The following PDZD2 variants were observed in gnomAD, a reference collection of about 807,000 sequenced individuals.
PDZD2 encodes PDZ domain-containing protein 2.
PDZD2 carries 90 observed loss-of-function variants against 220.7 expected under a neutral mutation model. The observed-to-expected ratio is 0.41, with a 90% CI of 0.34 to 0.49. The LOEUF (loss-of-function observed/expected upper bound fraction) is 0.49. PDZD2 is among the 20% of genes least tolerant of loss of function. The pLI, the probability that PDZD2 is intolerant of heterozygous loss-of-function variation, is 0.28. For synonymous variants in PDZD2, 1,375 were observed against 1,450.5 expected (o/e 0.95, Z 1.18); for missense variants, 3,174 against 3,608.5 (o/e 0.88, Z 3.08).
At chr5:32,100,323 C>A (rs968053686) in intron 23 of PDZD2, 3 of 173,374 alleles carry the variant, frequency 1.7e-5, no homozygotes, top group Non-Finnish European at 3.7e-5. Context: ...CCTCTGCCTC[C>A]CAATTAACTA....
chr5:32,077,294 C>G (rs1741387674), intron 18 of PDZD2, among the ~76,000 whole-genome samples, 168 bp from the exon 19 acceptor site: 1 of 152,144 alleles, frequency 6.6e-6, no homozygotes, highest in African/African-American at 2.4e-5. Context: ...ATGATATGAC[C>G]ATTTAATTCC....
At chr5:31,712,485 C>T (rs1446956629) in intron 1 of PDZD2, among the ~76,000 whole-genome samples, 4 of 147,614 alleles carry the variant, frequency 2.7e-5, no homozygotes, top group East Asian at 4.0e-4. Context: ...TCTCTCTCCC[C>T]CTCTCTCCCT....
intron 2 of PDZD2, among the ~76,000 whole-genome samples, chr5:31,802,056 A>G (rs555504607): frequency 2.6e-5 from 4 of 152,332 alleles, no homozygotes; most frequent in African/African-American, 9.6e-5. Context: ...TCATGACAGA[A>G]GGTGGAACAT....
chr5:31,856,934 AT>A (rs199859756), intron 2 of PDZD2, among the ~76,000 whole-genome samples: 19,241 of 136,308 alleles, frequency 0.14, 1,518 homozygotes, highest in Middle Eastern at 0.2. Flanking sequence ...ATATATATAT[AT>A]AACTTTAAAA....
chr5:31,884,969 A>G (rs527347779), intron 2 of PDZD2, among the ~76,000 whole-genome samples: 1 of 152,192 alleles, frequency 6.6e-6, no homozygotes, highest in East Asian at 1.9e-4. Context: ...ATAGGAAGCT[A>G]CCACATTGTT....
At chr5:31,925,186 G>T (rs2150384226) in intron 2 of PDZD2, among the ~76,000 whole-genome samples, 1 of 152,270 alleles carries the variant, frequency 6.6e-6, no homozygotes, top group East Asian at 1.9e-4. Flanking sequence ...AACAAAGTCA[G>T]AAGCATCACA....
chr5:32,066,353 C>T lies in PDZD2; in HGVS notation c.2452-3216C>T, dbSNP rs562202535. Among the ~76,000 whole-genome samples the T allele has an allele frequency of 5.9e-5, 9 of 152,214 alleles. No homozygotes were observed. The South Asian group carries it at 1.9e-3, about 32-fold the overall frequency. ...GAGCGAGACTCTATCTCAAGTCAAT[C>T]AATCAGTCACTCAATCCAATCAAAC... is the stretch of plus-strand genomic sequence containing the variant. On this transcript the variant is annotated intron_variant, in intron 14 of 24. Transcript: ENST00000438447.
chr5:31,752,937 A>G (rs953880279), intron 1 of PDZD2, among the ~76,000 whole-genome samples: 2 of 152,200 alleles, frequency 1.3e-5, no homozygotes, highest in Admixed American at 1.3e-4. Flanking sequence ...AGTGAAAGCC[A>G]TGGGCCTTAG....
chr5:31,992,847 A>G (rs1751326525), intron 3 of PDZD2, among the ~76,000 whole-genome samples: 1 of 139,968 alleles, frequency 7.1e-6, no homozygotes, highest in Admixed American at 7.6e-5. Context: ...CCTTCTCTCA[A>G]GTGTGCCTCT....
chr5:31,857,950 C>T (rs1201829844), intron 2 of PDZD2, among the ~76,000 whole-genome samples: 2 of 152,124 alleles, frequency 1.3e-5, no homozygotes, highest in East Asian at 1.9e-4. Flanking sequence ...CCTCACACCC[C>T]GAGTAATTCG....
Position 31,694,797 on chromosome 5 carries a change from A to AT in PDZD2, c.-361+55370dup, listed in dbSNP as rs575393610. Among the ~76,000 whole-genome samples the AT allele has an allele frequency of 8.9e-3, 664 of 75,020 alleles. 5 individuals carry two copies. Among genetic ancestry groups the AT allele is most frequent in the East Asian group, 0.076 (152 of 1,988 alleles). 49.2% of individuals were successfully genotyped at this position (75,020 alleles called of 152,430 possible). A position where few individuals can be genotyped will look rare whatever the true frequency, so the allele number is the denominator to read the frequency against. Reference sequence around the variant, plus strand: ...GGATTTTATTTTATTTTATTTATTTATTTTTTTTTTGTGAAAGCAAGTTTA... The same window carrying AT: ...GGATTTTATTTTATTTTATTTATTTATTTTTTTTTTTGTGAAAGCAAGTTTA... On this transcript the variant is annotated intron_variant, in intron 1 of 24. Coordinates refer to ENST00000438447, the MANE Select transcript of PDZD2 (RefSeq NM_178140.4).
rs755098204 is a variant in PDZD2 at position 32,087,894 on chromosome 5, C to T, written c.4446C>T (p.Ser1482=). 3 of 1,613,108 alleles carry T rather than the reference C, an allele frequency of 1.9e-6. No individual in the cohort carries two copies. The highest frequency in any genetic ancestry group is 2.7e-5 in the African/African-American group (2 of 75,044). ...AEPVPGGQTS[S]PRRAWAAGAP... is the part of the protein sequence containing the mutation. ...CAGTCCCGGGGGGCCAGACCTCCTC[C>T]CCGAGGAGGGCCTGGGCTGCTGGTG... The change falls in exon 20 of 25, where the codon TCC becomes TCT. Residue 1482 remains serine, a synonymous_variant. Transcript: ENST00000438447. The surrounding 1 kb of genome is among the most constrained non-coding windows in gnomAD (Gnocchi z 4.0).
chr5:31,991,252 G>GA (rs1341762256), intron 3 of PDZD2, among the ~76,000 whole-genome samples: 1 of 152,162 alleles, frequency 6.6e-6, no homozygotes, highest in Non-Finnish European at 1.5e-5. Flanking sequence ...TGTAGGAGGT[G>GA]AAATTTAAAA....
intron 1 of PDZD2, among the ~76,000 whole-genome samples, chr5:31,675,977 C>T (rs1008774028): frequency 2.0e-5 from 3 of 152,232 alleles, no homozygotes; most frequent in Non-Finnish European, 4.4e-5. Context: ...GTTGGGATTA[C>T]AGGCGTGAGC....
intron 2 of PDZD2, among the ~76,000 whole-genome samples, chr5:31,925,217 C>T (rs757816872): frequency 2.6e-5 from 4 of 152,112 alleles, no homozygotes; most frequent in Non-Finnish European, 5.9e-5. Context: ...TCAGACTATA[C>T]ATAAGTCTAT....
intron 2 of PDZD2, among the ~76,000 whole-genome samples, chr5:31,929,482 A>T (rs1035455866): frequency 6.6e-6 from 1 of 152,244 alleles, no homozygotes; most frequent in Non-Finnish European, 1.5e-5. Flanking sequence ...GGACAGTGCT[A>T]AATGTCTCCT....
At chr5:31,933,537 G>A (rs1367069945) in intron 2 of PDZD2, among the ~76,000 whole-genome samples, 1 of 152,060 alleles carries the variant, frequency 6.6e-6, no homozygotes, top group Non-Finnish European at 1.5e-5. Context: ...TTTAGCTTCT[G>A]GGAGAATCTT....
chr5:31,668,724 A>G (rs1746097717), intron 1 of PDZD2, among the ~76,000 whole-genome samples: 1 of 152,176 alleles, frequency 6.6e-6, no homozygotes, highest in Non-Finnish European at 1.5e-5. Flanking sequence ...GGGAAAACAA[A>G]ATAATTCAAA....
At chr5:31,941,075 G>T (rs1746175821) in intron 2 of PDZD2, among the ~76,000 whole-genome samples, 1 of 152,314 alleles carries the variant, frequency 6.6e-6, no homozygotes, top group South Asian at 2.1e-4. Flanking sequence ...AGTGGAGCTG[G>T]TCTTCATTTG....
Sources: allele counts gnomAD v4.1 joint callset (sites outside exome capture counted in the v4.1 genomes callset), GRCh38; gene constraint gnomAD v4.1.1; non-coding constraint Gnocchi (gnomAD v3.1); transcripts MANE v1.5; gene names NCBI Gene and HGNC (gene_info 2026-07-23, HGNC 2026-07-21).